The following GRIN2D variants were observed in gnomAD, a reference collection of about 807,000 sequenced individuals.
GRIN2D encodes glutamate ionotropic receptor NMDA type subunit 2D.
Under a neutral mutation model 103.2 loss-of-function variants are expected in GRIN2D, and 37 were observed. That is an observed-to-expected ratio of 0.36 (90% CI 0.28 to 0.47). GRIN2D has a LOEUF of 0.47. GRIN2D is among the 20% of genes least tolerant of loss of function. The probability of loss-of-function intolerance (pLI) is 1.00; values close to 1 mark genes in which losing one functional copy is unlikely to be tolerated. For missense variants in GRIN2D, 1,557 were observed against 1,910.6 expected, an observed-to-expected ratio of 0.81 and a Z score of 3.45; for synonymous variants, 845 against 885.6, an observed-to-expected ratio of 0.95 and a Z score of 0.81.
chr19:48,408,057 G>C (rs922531712), intron 4 of GRIN2D, among the ~76,000 whole-genome samples: 1 of 152,078 alleles, frequency 6.6e-6, no homozygotes, highest in African/African-American at 2.4e-5. Context: ...GGCGTTGGCC[G>C]GGCGTGGTGG....
At chr19:48,434,580 ACTT>A (rs1012034819) in intron 11 of GRIN2D, among the ~76,000 whole-genome samples, 2 of 150,580 alleles carry the variant, frequency 1.3e-5, no homozygotes, top group African/African-American at 4.9e-5. Context: ...TTTCTTTCGA[ACTT>A]CTTTTTTAAA....
Position 48,414,764 on chromosome 19 carries a change from T to TTC in GRIN2D, c.1413-100_1413-99insTC. ...GAGTTTCCCCTGAAAGCGCTAACCA[T>TTC]AGTTTTAGCTGCCGCCTATCCCTTC... On this transcript the variant is annotated intron_variant, in intron 6 of 13. Transcript: ENST00000263269. The surrounding 1 kb of genome is among the most constrained non-coding windows in gnomAD (Gnocchi z 4.6). 7.2e-7 allele frequency: 1 copy of TTC among 1,385,714 alleles called. No homozygotes were observed. 85.8% of individuals were successfully genotyped at this position (1,385,714 alleles called of 1,614,324 possible).
At chr19:48,427,388 A>T (rs1600987251) in intron 11 of GRIN2D, among the ~76,000 whole-genome samples, 1 of 151,584 alleles carries the variant, frequency 6.6e-6, no homozygotes, top group East Asian at 1.9e-4. Context: ...TTACACTCTC[A>T]TCAGCAATGC....
intron 4 of GRIN2D, among the ~76,000 whole-genome samples, chr19:48,407,956 G>A (rs1004521379): frequency 6.6e-6 from 1 of 152,198 alleles, no homozygotes; most frequent in Non-Finnish European, 1.5e-5. Flanking sequence ...GGGAGGCTGA[G>A]GCAGGAGGAT....
intron 3 of GRIN2D, among the ~76,000 whole-genome samples, chr19:48,403,193 T>C (rs1970739147): frequency 8.1e-6 from 1 of 123,878 alleles, no homozygotes; most frequent in Non-Finnish European, 1.6e-5. Context: ...AGGAAGACTC[T>C]GTCTCAAAAA....
rs1017359856 is a variant in GRIN2D at position 48,442,875 on chromosome 19, A to G, written c.2949A>G (p.Ala983=). The change falls in exon 14 of 14, where the codon GCA becomes GCG. Residue 983 remains alanine, a synonymous_variant. Transcript: ENST00000263269. The surrounding 1 kb of genome is among the most constrained non-coding windows in gnomAD (Gnocchi z 7.2). ...LGLGLGEARA[A]PRGAAGRPLS... is the part of the protein sequence containing the mutation. The stretch of plus-strand genomic sequence containing the variant: ...TCGGCCTGGGCGAAGCGCGCGCGGC[A>G]CCGCGGGGCGCAGCCGGGCGCCCGC... The G allele has an allele frequency of 2.8e-6, 3 of 1,081,162 alleles. No homozygotes were observed. Among genetic ancestry groups the G allele is most frequent in the African/African-American group, 1.7e-5 (1 of 58,414 alleles). 67.0% of individuals were successfully genotyped at this position (1,081,162 alleles called of 1,614,324 possible).
At chr19:48,426,246 A>T in intron 11 of GRIN2D, among the ~76,000 whole-genome samples, 2 of 107,264 alleles carry the variant, frequency 1.9e-5, no homozygotes, top group African/African-American at 5.8e-5. Flanking sequence ...TTTTTTCTGA[A>T]ACAGAGTCTC....
At chr19:48,432,936 G>A (rs1280215859) in intron 11 of GRIN2D, among the ~76,000 whole-genome samples, 9 of 150,694 alleles carry the variant, frequency 6.0e-5, no homozygotes, top group East Asian at 2.0e-4. Flanking sequence ...TTCTACAGGC[G>A]CCCGCAACCA....
chr19:48,408,944 T>C (rs575126195), intron 4 of GRIN2D, among the ~76,000 whole-genome samples: 2 of 152,038 alleles, frequency 1.3e-5, no homozygotes, highest in East Asian at 3.9e-4. Flanking sequence ...TGCCTTGTCT[T>C]AGTCTGTTTT....
intron 11 of GRIN2D, among the ~76,000 whole-genome samples, chr19:48,431,968 A>C (rs914039543): frequency 6.6e-6 from 1 of 151,456 alleles, no homozygotes; most frequent in African/African-American, 2.4e-5. Flanking sequence ...GCTGAAGTGC[A>C]GTGGCGTGAT....
At chr19:48,428,044 C>CA (rs1166911257) in intron 11 of GRIN2D, among the ~76,000 whole-genome samples, 2 of 120,568 alleles carry the variant, frequency 1.7e-5, no homozygotes, top group Non-Finnish European at 3.5e-5. Context: ...TGGCCAAGTT[C>CA]TTTTTTTTTT....
At chr19:48,425,149 T>C (rs1196523047) in intron 11 of GRIN2D, among the ~76,000 whole-genome samples, 4 of 137,680 alleles carry the variant, frequency 2.9e-5, no homozygotes, top group Non-Finnish European at 6.1e-5. Context: ...TTTCCTCTTT[T>C]ACCCCTTCAG....
rs751778857 is a variant in GRIN2D, at chr19:48,442,339, T to C, written c.2630T>C (p.Leu877Pro). ...GTGTACTGGCGCCTGCGGCACTGCC[T>C]GGGGCCCACCCACCGCATGGACTTC... ...HLVYWRLRHCLGPTHRMDFLL... is the reference protein window; with the variant it reads ...HLVYWRLRHCPGPTHRMDFLL... The change falls in exon 13 of 14, where the codon CTG becomes CCG. Residue 877 changes from leucine (L) to proline (P), a missense_variant. By Grantham distance (98) the Leu-to-Pro change is moderately conservative. Around this residue, in one of 7 missense-constraint regions of GRIN2D, gnomAD observed 632 missense variants for 572.8 expected, o/e 1.10. Coordinates refer to ENST00000263269, the MANE Select transcript of GRIN2D (RefSeq NM_000836.4). This position sits in a 1 kb window ranked among gnomAD's most constrained non-coding sequence, Gnocchi z 7.2. 6.2e-7 allele frequency: 1 copy of C among 1,613,504 alleles called. No homozygotes were observed. The highest frequency in any genetic ancestry group is 1.7e-5 in the Admixed American group (1 of 60,008).
In GRIN2D at chr19:48,426,220, C is replaced by CTTTTTTTTTTTT. The variant is rs1253186603; in HGVS notation, c.2252+4278_2252+4279insTTTTTTTTTTTT. ...CTTCTTTCTTTTTCTTTCTTTCTTTCTTTCTTTTTTTTTTTTTTTTTCTGA... is the reference window on the plus strand; with the variant it reads ...CTTCTTTCTTTTTCTTTCTTTCTTTCTTTTTTTTTTTTTTTCTTTTTTTTTTTTTTTTTCTGA... On this transcript the variant is annotated intron_variant, in intron 11 of 13. Transcript: ENST00000263269. Among the ~76,000 whole-genome samples the CTTTTTTTTTTTT allele has an allele frequency of 7.0e-4, 89 of 127,098 alleles. 1 individual carries two copies. Among genetic ancestry groups the CTTTTTTTTTTTT allele is most frequent in the African/African-American group, 2.3e-3 (66 of 28,780 alleles). The allele number at this position is 127,098 out of a possible 152,430, so 83.4% of individuals were successfully genotyped here. A position where few individuals can be genotyped will look rare whatever the true frequency, so the allele number is the denominator to read the frequency against.
rs995636866 is a variant in GRIN2D at position 48,393,999 on chromosome 19, G to C, written c.-306+131G>C. On this transcript the variant is annotated intron_variant, in intron 1 of 13. Transcript: ENST00000263269. This position sits in a 1 kb window ranked among gnomAD's most constrained non-coding sequence, Gnocchi z 5.6. ...ACCCTGAGCTGCCTGCCTGGGTGTC[G>C]TGGGGCTCCCGCTCCTTCCCCCCGG... Among the ~76,000 whole-genome samples the C allele has an allele frequency of 2.6e-5, 4 of 152,094 alleles. No individual in the cohort carries two copies. Among genetic ancestry groups the C allele is most frequent in the African/African-American group, 9.7e-5 (4 of 41,396 alleles).
At chr19:48,412,005 A>C (rs1381073815) in intron 4 of GRIN2D, among the ~76,000 whole-genome samples, 2 of 151,576 alleles carry the variant, frequency 1.3e-5, no homozygotes, top group Non-Finnish European at 2.9e-5. Context: ...CCAGCCTGGG[A>C]AAAGTAGTGA....
At chr19:48,413,867 G>A (rs183623147) in intron 4 of GRIN2D, 124 bp from the exon 5 acceptor site, 69 of 661,948 alleles carry the variant, frequency 1.0e-4, no homozygotes, top group East Asian at 8.0e-4. Flanking sequence ...AGACCTTGGA[G>A]GTAAAAGAAG....
At chr19:48,427,058 G>A (rs1286152781) in intron 11 of GRIN2D, among the ~76,000 whole-genome samples, 2 of 151,506 alleles carry the variant, frequency 1.3e-5, no homozygotes, top group Non-Finnish European at 2.9e-5. Context: ...AGTGGCTCAT[G>A]CCTGTAATCC....
intron 11 of GRIN2D, among the ~76,000 whole-genome samples, chr19:48,426,224 C>CTTTTTTTTTTTTTTCTTTTTT (rs1555893888): frequency 8.3e-6 from 1 of 120,118 alleles, no homozygotes; most frequent in Admixed American, 8.4e-5. Context: ...TTCTTTCTTT[C>CTTTTTTTTTTTTTTCTTTTTT]TTTTTTTTTT....
Sources: gnomAD v4.1 joint callset for allele counts (sites outside exome capture counted in the v4.1 genomes callset) on GRCh38, gnomAD v4.1.1 for gene constraint, gnomAD v4.1.1 regional missense constraint, Gnocchi (gnomAD v3.1) non-coding constraint, MANE v1.5 for transcripts, NCBI Gene and HGNC (gene_info 2026-07-23, HGNC 2026-07-21) for gene names.